The following DSCAML1 variants were observed in gnomAD, a reference collection of about 807,000 sequenced individuals.
The protein encoded by DSCAML1 is cell adhesion molecule DSCAML1.
In DSCAML1, 38 loss-of-function variants were observed where a neutral mutation model predicts 200.5. That is an observed-to-expected ratio of 0.19 (90% confidence interval 0.15 to 0.25). DSCAML1 has a LOEUF of 0.25. DSCAML1 is among the 10% of genes least tolerant of loss of function. The pLI is 1.00. For synonymous variants in DSCAML1, 1,215 were observed against 1,165.0 expected (o/e 1.04, Z -0.87); for missense variants, 2,223 against 2,858.8 (o/e 0.78, Z 5.07).
At chr11:117,442,264 A>G (rs1253846736) in intron 21 of DSCAML1, among the ~76,000 whole-genome samples, 1 of 150,246 alleles carries the variant, frequency 6.7e-6, no homozygotes, top group African/African-American at 2.5e-5. Context: ...ATGTGTGTGC[A>G]TGTATTAGTG....
intron 3 of DSCAML1, among the ~76,000 whole-genome samples, chr11:117,678,553 G>A (rs1235539280): frequency 6.6e-6 from 1 of 152,180 alleles, no homozygotes; most frequent in Non-Finnish European, 1.5e-5. Flanking sequence ...GGGAAGGTTG[G>A]GGGGCAGCTG....
At chr11:117,769,423 TA>T (rs2054983867) in intron 3 of DSCAML1, among the ~76,000 whole-genome samples, 7 of 45,562 alleles carry the variant, frequency 1.5e-4, no homozygotes, top group African/African-American at 6.7e-4. Flanking sequence ...TTATATATAT[TA>T]TATATATTTT....
intron 3 of DSCAML1, among the ~76,000 whole-genome samples, chr11:117,761,231 C>T (rs11601609): frequency 0.051 from 7,805 of 151,918 alleles, 660 homozygotes; most frequent in African/African-American, 0.17. Context: ...CCGGAGAAGG[C>T]GTCAAACCTG....
intron 3 of DSCAML1, among the ~76,000 whole-genome samples, chr11:117,672,102 GAAAAAAAAA>G (rs71037491): frequency 2.1e-5 from 2 of 94,484 alleles, no homozygotes; most frequent in East Asian, 2.8e-4. Flanking sequence ...CTCCAGCTCA[GAAAAAAAAA>G]AAAAAAAAAA....
chr11:117,798,936 C>T (rs2055630759), upstream of DSCAML1, among the ~76,000 whole-genome samples: 1 of 152,138 alleles, frequency 6.6e-6, no homozygotes, highest in Non-Finnish European at 1.5e-5. Flanking sequence ...AAACAATTTG[C>T]AGGAGGTGTT....
At position 117,572,905 on chromosome 11, in the gene DSCAML1, G is replaced by A. The variant is rs115200387; in HGVS notation, c.512-40383C>T. ...ATGTGGGGTCAATCAGGCATCGCCC[G>A]GGGGCAGAGGGAGAGGAGAAGTGAC... On this transcript the variant is annotated intron_variant, in intron 3 of 32. Transcript: ENST00000651296. Among the ~76,000 whole-genome samples, 374 of 152,298 alleles carry A rather than the reference G, an allele frequency of 2.5e-3. 3 individuals carry two copies. The highest frequency in any genetic ancestry group is 8.3e-3 in the African/African-American group (345 of 41,556).
At chr11:117,460,315 A>T (rs1363866389) in intron 18 of DSCAML1, among the ~76,000 whole-genome samples, 1 of 152,108 alleles carries the variant, frequency 6.6e-6, no homozygotes, top group Non-Finnish European at 1.5e-5. Flanking sequence ...AGAGAGTGGA[A>T]GTGGTGGTGG....
At chr11:117,446,651 C>A (rs2048183177) in intron 20 of DSCAML1, among the ~76,000 whole-genome samples, 2 of 152,096 alleles carry the variant, frequency 1.3e-5, no homozygotes, top group Non-Finnish European at 2.9e-5. Context: ...ATCCATCTAA[C>A]AAAAATAAAG....
intron 1 of DSCAML1, among the ~76,000 whole-genome samples, chr11:117,787,852 T>C (rs1427515274): frequency 6.6e-6 from 1 of 152,176 alleles, no homozygotes; most frequent in Non-Finnish European, 1.5e-5. Flanking sequence ...ATTTGCAAGG[T>C]TGATTACTTC....
At chr11:117,747,156 C>T (rs2054531554) in intron 3 of DSCAML1, among the ~76,000 whole-genome samples, 1 of 152,218 alleles carries the variant, frequency 6.6e-6, no homozygotes, top group Admixed American at 6.5e-5. Context: ...CTTCACCACC[C>T]CAGCCTTTAT....
intron 1 of DSCAML1, among the ~76,000 whole-genome samples, chr11:117,786,177 CAG>C (rs2134062702): frequency 6.6e-6 from 1 of 152,302 alleles, no homozygotes; most frequent in South Asian, 2.1e-4. Flanking sequence ...TAAATAAAGA[CAG>C]AGACACTCAG....
At chr11:117,690,093 A>C (rs2053470520) in intron 3 of DSCAML1, among the ~76,000 whole-genome samples, 1 of 152,256 alleles carries the variant, frequency 6.6e-6, no homozygotes, top group South Asian at 2.1e-4. Flanking sequence ...TATACTGAAA[A>C]AAACAAAACC....
Position 117,437,552 on chromosome 11 carries a change from G to C in DSCAML1, c.4433-143C>G. The C allele has an allele frequency of 4.7e-6, 5 of 1,064,546 alleles. No homozygotes were observed. The highest frequency in any genetic ancestry group is 6.8e-6 in the Non-Finnish European group (5 of 739,110). The allele number at this position is 1,064,546 out of a possible 1,614,324, so 65.9% of individuals were successfully genotyped here. On this transcript the variant is annotated intron_variant, in intron 25 of 32. Coordinates refer to ENST00000651296, the MANE Select transcript of DSCAML1 (RefSeq NM_020693.4). The surrounding 1 kb of genome is among the most constrained non-coding windows in gnomAD (Gnocchi z 5.3). ...ATACATGTTTGGCACAGATGGGGTGGGGAAGCCCCAGGGCGCAGAGGAGGA... is the reference window on the plus strand; with the variant it reads ...ATACATGTTTGGCACAGATGGGGTGCGGAAGCCCCAGGGCGCAGAGGAGGA...
rs1565280639 is a variant in DSCAML1 at position 117,780,232 on chromosome 11, G to GGAAAGAAAGAAAGAA, written c.364+260_364+261insTTCTTTCTTTCTTTC. 6.8e-5 allele frequency among the ~76,000 whole-genome samples: 2 copies of GGAAAGAAAGAAAGAA among 29,582 alleles called. No individual in the cohort carries two copies. Among genetic ancestry groups the GGAAAGAAAGAAAGAA allele is most frequent in the African/African-American group, 1.6e-4 (1 of 6,272 alleles). The allele number at this position is 29,582 out of a possible 152,430, so 19.4% of individuals were successfully genotyped here. A position where few individuals can be genotyped will look rare whatever the true frequency, so the allele number is the denominator to read the frequency against. On this transcript the variant is annotated intron_variant, in intron 2 of 32. Coordinates refer to ENST00000651296, the MANE Select transcript of DSCAML1 (RefSeq NM_020693.4). This position sits in a 1 kb window ranked among gnomAD's most constrained non-coding sequence, Gnocchi z 4.8. The stretch of plus-strand genomic sequence containing the variant: ...AAGAGAGAGAGAGAAAGAAAGAAAG[G>GGAAAGAAAGAAAGAA]AAAGAAAGAAAGAAAGAAAGAAAGA...
intron 11 of DSCAML1, among the ~76,000 whole-genome samples, chr11:117,486,696 G>T (rs1230381947): frequency 6.6e-6 from 1 of 152,042 alleles, no homozygotes; most frequent in African/African-American, 2.4e-5. Flanking sequence ...ACTGGCTTCA[G>T]GTGTTACTTG....
intron 11 of DSCAML1, among the ~76,000 whole-genome samples, chr11:117,483,832 C>A (rs2048979826): frequency 6.6e-6 from 1 of 152,126 alleles, no homozygotes; most frequent in African/African-American, 2.4e-5. Context: ...TGCCCAGGAG[C>A]CATCCTGGAG....
chr11:117,700,173 T>C (rs1243366479), intron 3 of DSCAML1, among the ~76,000 whole-genome samples: 3 of 152,246 alleles, frequency 2.0e-5, no homozygotes, highest in African/African-American at 4.8e-5. Flanking sequence ...GCCCAGTAGA[T>C]GTTTGAAGAA....
rs545182119 is a variant in DSCAML1, at chr11:117,471,800, A to G, written c.2953+69T>C. 5 of 1,529,150 alleles carry G rather than the reference A, an allele frequency of 3.3e-6. No homozygotes were observed. In the Admixed American group the frequency reaches 9.3e-5, roughly 28 times the overall value. The allele number at this position is 1,529,150 out of a possible 1,614,324, so 94.7% of individuals were successfully genotyped here. On this transcript the variant is annotated intron_variant, in intron 15 of 32. Transcript: ENST00000651296. ...TGCAAGCTCATTGCCAGTGAACAGG[A>G]TCGCTGTAGGCCCCTGGTGGTCCTG... is the stretch of plus-strand genomic sequence containing the variant.
intron 3 of DSCAML1, among the ~76,000 whole-genome samples, chr11:117,547,272 G>T (rs753443693): frequency 6.6e-6 from 1 of 152,134 alleles, no homozygotes; most frequent in Non-Finnish European, 1.5e-5. Context: ...CTCACTCCAT[G>T]TGTCAGATGC....
Sources: gnomAD v4.1 joint callset for allele counts (sites outside exome capture counted in the v4.1 genomes callset) on GRCh38, gnomAD v4.1.1 for gene constraint, Gnocchi (gnomAD v3.1) non-coding constraint, MANE v1.5 for transcripts, NCBI Gene and HGNC (gene_info 2026-07-23, HGNC 2026-07-21) for gene names.